The following XKR4 variants were observed in gnomAD, a reference collection of about 807,000 sequenced individuals.
The protein encoded by XKR4 is XK related 4, also known as XK-related protein 4.
Under a neutral mutation model 53.9 loss-of-function variants are expected in XKR4, and 12 were observed. The ratio of observed to expected loss-of-function variants is 0.22; its 90% CI spans 0.14 to 0.36. The LOEUF is 0.36. Ranked by LOEUF, XKR4 falls within the 10% of genes least tolerant of loss-of-function variation. The pLI is 1.00. For missense variants in XKR4, 799 were observed against 859.5 expected, an observed-to-expected ratio of 0.93 and a Z score of 0.88; for synonymous variants, 354 against 362.4, an observed-to-expected ratio of 0.98 and a Z score of 0.26.
intron 2 of XKR4, among the ~76,000 whole-genome samples, chr8:55,421,514 C>T (rs988505286): frequency 7.2e-5 from 11 of 152,104 alleles, no homozygotes; most frequent in Non-Finnish European, 1.6e-4. Context: ...ATCCAGGCAT[C>T]GCACCTTGGC....
At chr8:55,460,593 G>A (rs921958854) in intron 2 of XKR4, among the ~76,000 whole-genome samples, 4 of 152,182 alleles carry the variant, frequency 2.6e-5, no homozygotes, top group South Asian at 2.1e-4. Flanking sequence ...TCCAACTGAG[G>A]TATCGGGTTC....
At chr8:55,512,888 C>T (rs1398923382) in intron 2 of XKR4, among the ~76,000 whole-genome samples, 3 of 152,142 alleles carry the variant, frequency 2.0e-5, no homozygotes, top group African/African-American at 4.8e-5. Flanking sequence ...GGCAGAGACT[C>T]GTTTAAGCAG....
At chr8:55,289,657 G>GA (rs1342845329) in intron 1 of XKR4, among the ~76,000 whole-genome samples, 2 of 83,240 alleles carry the variant, frequency 2.4e-5, no homozygotes, top group East Asian at 7.0e-4. Context: ...AAGGAAGGAA[G>GA]GAAAAGAAAA....
At chr8:55,521,152 G>T (rs950806163) in intron 2 of XKR4, among the ~76,000 whole-genome samples, 23 of 152,242 alleles carry the variant, frequency 1.5e-4, no homozygotes, top group African/African-American at 5.3e-4. Context: ...ACCCAGCTGG[G>T]CGCCGCGTTT....
At chr8:55,107,173 C>T (rs1816162432) in intron 1 of XKR4, among the ~76,000 whole-genome samples, 1 of 151,994 alleles carries the variant, frequency 6.6e-6, no homozygotes. Flanking sequence ...TTTATGTCAT[C>T]TACATTTTAA....
intron 1 of XKR4, among the ~76,000 whole-genome samples, chr8:55,286,553 C>T (rs1196708915): frequency 6.6e-6 from 1 of 152,174 alleles, no homozygotes; most frequent in African/African-American, 2.4e-5. Flanking sequence ...AGTGAGGCAG[C>T]AGTGAGCGTC....
chr8:55,242,776 C>T (rs73600948), intron 1 of XKR4, among the ~76,000 whole-genome samples: 3,395 of 152,130 alleles, frequency 0.022, 134 homozygotes, highest in African/African-American at 0.075. Flanking sequence ...AGCTACGTCT[C>T]GGATCTAGTC....
chr8:55,168,232 A>G (rs1817097161), intron 1 of XKR4, among the ~76,000 whole-genome samples: 1 of 152,152 alleles, frequency 6.6e-6, no homozygotes, highest in Non-Finnish European at 1.5e-5. Context: ...TTTCTGGACA[A>G]GTGGGACCCT....
At chr8:55,439,887 T>C (rs1331230881) in intron 2 of XKR4, among the ~76,000 whole-genome samples, 2 of 152,218 alleles carry the variant, frequency 1.3e-5, no homozygotes, top group Non-Finnish European at 2.9e-5. Flanking sequence ...TTAACAAGAA[T>C]AAATCAAGTT....
At chr8:55,288,776 A>C (rs1255066374) in intron 1 of XKR4, among the ~76,000 whole-genome samples, 3 of 152,224 alleles carry the variant, frequency 2.0e-5, no homozygotes, top group African/African-American at 7.2e-5. Context: ...CAATAATCCA[A>C]CACAAGGGTC....
chr8:55,144,851 A>C (rs1171914359), intron 1 of XKR4, among the ~76,000 whole-genome samples: 1 of 73,880 alleles, frequency 1.4e-5, no homozygotes, highest in East Asian at 4.8e-4. Context: ...TTATTTTTTG[A>C]GACAGAATTT....
intron 1 of XKR4, among the ~76,000 whole-genome samples, chr8:55,103,896 C>G (rs942692908): frequency 9.3e-6 from 1 of 107,054 alleles, no homozygotes; most frequent in African/African-American, 3.4e-5. Context: ...TATATATATC[C>G]CCGAGCATGA....
intron 2 of XKR4, among the ~76,000 whole-genome samples, chr8:55,439,734 G>A (rs1373770682): frequency 6.6e-6 from 1 of 151,946 alleles, no homozygotes; most frequent in African/African-American, 2.4e-5. Context: ...AGAGTAAAAA[G>A]GGTTAACATA....
At chr8:55,233,150 A>G (rs1186349944) in intron 1 of XKR4, among the ~76,000 whole-genome samples, 1 of 152,220 alleles carries the variant, frequency 6.6e-6, no homozygotes, top group African/African-American at 2.4e-5. Context: ...GGAATTCATT[A>G]TAAGGACACA....
At chr8:55,324,045 A>AG (rs1219871059) in intron 1 of XKR4, among the ~76,000 whole-genome samples, 16 of 152,260 alleles carry the variant, frequency 1.1e-4, no homozygotes, top group Non-Finnish European at 2.4e-4. Flanking sequence ...TATAATAGTC[A>AG]TTTTAATATT....
intron 1 of XKR4, among the ~76,000 whole-genome samples, chr8:55,296,033 G>T (rs1210271365): frequency 6.6e-6 from 1 of 152,122 alleles, no homozygotes; most frequent in Non-Finnish European, 1.5e-5. Context: ...TTTTTCTCAT[G>T]CAGAAGTTGG....
intron 2 of XKR4, among the ~76,000 whole-genome samples, chr8:55,497,671 T>C (rs1478882354): frequency 6.6e-6 from 1 of 152,242 alleles, no homozygotes; most frequent in Non-Finnish European, 1.5e-5. Flanking sequence ...CAAATGCAAG[T>C]GTCAAAGACA....
rs550190202 is a variant in XKR4, at chr8:55,266,472, C to T, written c.807-91206C>T. Among the ~76,000 whole-genome samples, 53 of 151,994 alleles carry T rather than the reference C, an allele frequency of 3.5e-4. 1 individual carries two copies. Among genetic ancestry groups the T allele is most frequent in the African/African-American group, 1.2e-3 (50 of 41,452 alleles). Reference sequence around the variant, plus strand: ...AGGGTAATAGAGCAGAAAGAGTGCCCGTGACATTTGCTAATGACAGCACAC... The same window carrying T: ...AGGGTAATAGAGCAGAAAGAGTGCCTGTGACATTTGCTAATGACAGCACAC... On this transcript the variant is annotated intron_variant, in intron 1 of 2. Transcript: ENST00000327381.
intron 1 of XKR4, among the ~76,000 whole-genome samples, chr8:55,291,493 A>AAATAAACTGAAAG (rs1159032349): frequency 1.5e-4 from 23 of 152,318 alleles, no homozygotes; most frequent in South Asian, 4.1e-4. Context: ...CCAATCCACC[A>AAATAAACTGAAAG]ATGTGGTATA....
Sources: gnomAD v4.1 joint callset for allele counts (sites outside exome capture counted in the v4.1 genomes callset) on GRCh38, gnomAD v4.1.1 for gene constraint, MANE v1.5 for transcripts, NCBI Gene and HGNC (gene_info 2026-07-23, HGNC 2026-07-21) for gene names.